Variants in MCTP2 observed in about 807,000 individuals in gnomAD.
The protein encoded by MCTP2 is multiple C2 and transmembrane domain-containing protein 2.
MCTP2 carries 132 observed loss-of-function variants against 111.6 expected under a neutral mutation model. That is an observed-to-expected ratio of 1.18 (90% CI 1.03 to 1.37). MCTP2 has a LOEUF of 1.37. MCTP2 is among the 40% of genes most tolerant of loss of function. The pLI is 0.00. For synonymous variants in MCTP2, 395 were observed against 387.7 expected, an observed-to-expected ratio of 1.02 and a Z score of -0.22; for missense variants, 1,183 against 1,067.9, an observed-to-expected ratio of 1.11 and a Z score of -1.50.
intron 4 of MCTP2, among the ~76,000 whole-genome samples, chr15:94,329,124 C>G (rs2077023703): frequency 6.6e-6 from 1 of 152,076 alleles, no homozygotes; most frequent in Non-Finnish European, 1.5e-5. Flanking sequence ...GAAGCAGTCA[C>G]CCAATTCAAG....
chr15:94,236,377 CTTTTTTTTT>C (rs71132992), intron 1 of MCTP2, among the ~76,000 whole-genome samples: 5 of 72,464 alleles, frequency 6.9e-5, no homozygotes, highest in East Asian at 4.6e-4. Context: ...TCTTTTTTTT[CTTTTTTTTT>C]TTTTTTTTTT....
chr15:94,340,431 G>T (rs1567467853), intron 6 of MCTP2, among the ~76,000 whole-genome samples, 156 bp downstream of exon 6: 2 of 152,136 alleles, frequency 1.3e-5, no homozygotes, highest in African/African-American at 2.4e-5. Flanking sequence ...GTATTTTTAA[G>T]GATTTTTGCT....
chr15:94,390,110 A>ACG (rs1567603429), intron 14 of MCTP2, among the ~76,000 whole-genome samples: 11 of 32,548 alleles, frequency 3.4e-4, no homozygotes, highest in African/African-American at 7.8e-4. Context: ...ATATATATAT[A>ACG]TATGTATATA....
chr15:94,241,797 A>G (rs79870554), intron 1 of MCTP2, among the ~76,000 whole-genome samples: 14 of 152,162 alleles, frequency 9.2e-5, no homozygotes, highest in African/African-American at 3.4e-4. Flanking sequence ...AAAAAAAAAA[A>G]GTTACCAGGT....
intron 12 of MCTP2, among the ~76,000 whole-genome samples, chr15:94,378,005 G>C (rs374119979): frequency 9.2e-5 from 14 of 152,076 alleles, no homozygotes; most frequent in Non-Finnish European, 5.9e-5. Context: ...CATGTCTTAG[G>C]TGGGACTGGA....
chr15:94,265,266 T>C (rs1448874590), intron 1 of MCTP2, among the ~76,000 whole-genome samples: 1 of 152,176 alleles, frequency 6.6e-6, no homozygotes, highest in Non-Finnish European at 1.5e-5. Context: ...CATGAGTCAC[T>C]TATACTAACT....
At chr15:94,232,572 A>G (rs191791473) in intron 1 of MCTP2, among the ~76,000 whole-genome samples, 263 of 152,272 alleles carry the variant, frequency 1.7e-3, no homozygotes, top group Non-Finnish European at 3.0e-3. Flanking sequence ...AATTCAACAA[A>G]TATTTATTGT....
chr15:94,382,715 G>A (rs1249867663), intron 12 of MCTP2, among the ~76,000 whole-genome samples: 1 of 152,268 alleles, frequency 6.6e-6, no homozygotes, highest in African/African-American at 2.4e-5. Flanking sequence ...GCACTCTCTG[G>A]CTTAGGCCCT....
intron 17 of MCTP2, among the ~76,000 whole-genome samples, chr15:94,431,882 A>T (rs1302811603): frequency 2.6e-5 from 4 of 152,262 alleles, no homozygotes; most frequent in African/African-American, 9.6e-5. Context: ...TATCTTTATT[A>T]TGACAAATGA....
rs756451380 is a variant in MCTP2 at position 94,442,943 on chromosome 15, G to T, written c.2233G>T (p.Glu745Ter). 9 of 1,613,386 alleles carry T rather than the reference G, an allele frequency of 5.6e-6. No individual in the cohort carries two copies. The Admixed American group carries it at 1.2e-4, about 21-fold the overall frequency. ...GGAGAGCACAGACATAGATGACGAGGAGGATGAAGATGACAAGGTGCGTAT... is the reference window on the plus strand; with the variant it reads ...GGAGAGCACAGACATAGATGACGAGTAGGATGAAGATGACAAGGTGCGTAT... Reference protein sequence around the residue: ...SQESTDIDDEEDEDDKESEKK... With the variant: ...SQESTDIDDE Residue 745 changes from glutamate to a stop codon, truncating the protein, a stop_gained, in exon 19 of 23, where the codon GAG becomes TAG. Transcript: ENST00000357742. LOFTEE classifies it high-confidence loss of function.
intron 8 of MCTP2, among the ~76,000 whole-genome samples, chr15:94,349,349 C>T (rs1184087619): frequency 6.6e-6 from 1 of 152,150 alleles, no homozygotes; most frequent in African/African-American, 2.4e-5. Flanking sequence ...ACTCAGTTTG[C>T]CCCAAAACCT....
intron 1 of MCTP2, among the ~76,000 whole-genome samples, chr15:94,296,462 T>C (rs2075281909): frequency 6.6e-6 from 1 of 152,306 alleles, no homozygotes; most frequent in Admixed American, 6.5e-5. Context: ...CCAAAGCACT[T>C]TCTGTGTATT....
At chr15:94,417,609 G>A (rs2082433447) in intron 17 of MCTP2, among the ~76,000 whole-genome samples, 1 of 152,062 alleles carries the variant, frequency 6.6e-6, no homozygotes, top group South Asian at 2.1e-4. Context: ...GACTCCTCTT[G>A]ATCAGAATAA....
chr15:94,387,256 A>G (rs1310002240), intron 14 of MCTP2, among the ~76,000 whole-genome samples: 1 of 151,520 alleles, frequency 6.6e-6, no homozygotes, highest in Non-Finnish European at 1.5e-5. Context: ...TGGGGCCAGG[A>G]CATTCTTTGT....
intron 21 of MCTP2, among the ~76,000 whole-genome samples, chr15:94,471,854 G>C (rs74029261): frequency 6.6e-6 from 1 of 151,592 alleles, no homozygotes; most frequent in Non-Finnish European, 1.5e-5. Flanking sequence ...GTTTTCGTGC[G>C]TACTACTATC....
chr15:94,304,015 C>T (rs866026985), intron 2 of MCTP2, among the ~76,000 whole-genome samples: 79 of 152,196 alleles, frequency 5.2e-4, no homozygotes, highest in Admixed American at 1.2e-3. Context: ...TTGAGAAAGT[C>T]GGCATGCTCT....
At chr15:94,314,936 G>C (rs1018604557) in intron 3 of MCTP2, 13 of 360,848 alleles carry the variant, frequency 3.6e-5, no homozygotes, top group African/African-American at 2.8e-4. Flanking sequence ...GGGTGGAAAA[G>C]CCGGGAGAGC....
At position 94,402,039 on chromosome 15, in the gene MCTP2, T is replaced by G. The variant is rs199945047; in HGVS notation, c.2085+20T>G. 11 of 1,607,420 alleles carry G rather than the reference T, an allele frequency of 6.8e-6. No homozygotes were observed. Among genetic ancestry groups the G allele is most frequent in the Non-Finnish European group, 9.3e-6 (11 of 1,177,580 alleles). On this transcript the variant is annotated intron_variant, in intron 17 of 22. Transcript: ENST00000357742. ...TTCGCGGTAAGCTTCCTTTCTTATG[T>G]TCAAACTATTTGCTTCTTATTTGCA...
intron 12 of MCTP2, among the ~76,000 whole-genome samples, chr15:94,380,494 A>G (rs924081225): frequency 2.0e-5 from 3 of 152,170 alleles, no homozygotes; most frequent in Non-Finnish European, 4.4e-5. Flanking sequence ...TGGGCTGGGC[A>G]TGGTGGCTCA....
Sources: allele counts gnomAD v4.1 joint callset (sites outside exome capture counted in the v4.1 genomes callset), GRCh38; gene constraint gnomAD v4.1.1; transcripts MANE v1.5; gene names NCBI Gene and HGNC (gene_info 2026-07-23, HGNC 2026-07-21).